CNOT6: variants seen among roughly 807,000 people sequenced by gnomAD.
CNOT6 encodes the protein CCR4-NOT transcription complex subunit 6.
A neutral mutation model predicts 61.2 loss-of-function variants in CNOT6; 12 were observed. The observed-to-expected ratio is 0.20, with a 90% CI of 0.13 to 0.32. CNOT6 has a LOEUF of 0.32. CNOT6 is among the 10% of genes least tolerant of loss of function. The pLI is 1.00. For synonymous variants in CNOT6, 225 were observed against 240.6 expected, an observed-to-expected ratio of 0.94 and a Z score of 0.60; for missense variants, 405 against 663.9, an observed-to-expected ratio of 0.61 and a Z score of 4.28.
At chr5:180,494,965 G>A (rs1345118334) in intron 1 of CNOT6, among the ~76,000 whole-genome samples, 1 of 151,526 alleles carries the variant, frequency 6.6e-6, no homozygotes, top group Non-Finnish European at 1.5e-5. Context: ...CCCCCGGGCC[G>A]AGTCCCTGGG....
intron 1 of CNOT6, among the ~76,000 whole-genome samples, chr5:180,509,829 T>G (rs1398658917): frequency 2.4e-5 from 2 of 83,066 alleles, no homozygotes; most frequent in Admixed American, 2.2e-4. Flanking sequence ...TACCTTGGTG[T>G]TTTTTTTTTT....
At chr5:180,508,111 A>C (rs1757214296) in intron 1 of CNOT6, among the ~76,000 whole-genome samples, 1 of 124,186 alleles carries the variant, frequency 8.1e-6, no homozygotes, top group Non-Finnish European at 1.9e-5. Context: ...TGGGTGTGAG[A>C]CTGTTGGAAT....
chr5:180,514,692 C>G (rs1757553036), intron 1 of CNOT6, among the ~76,000 whole-genome samples: 1 of 152,146 alleles, frequency 6.6e-6, no homozygotes, highest in Non-Finnish European at 1.5e-5. Flanking sequence ...TAAGATCATG[C>G]ATTTCTTATT....
At chr5:180,545,434 TTTTTTCATGAAAATGGACAC>T (rs1759266653) in intron 2 of CNOT6, among the ~76,000 whole-genome samples, 1 of 152,202 alleles carries the variant, frequency 6.6e-6, no homozygotes, top group Non-Finnish European at 1.5e-5. Context: ...CCTTTTTTCT[TTTTTTCATGAAAATGGACAC>T]CTTGCATTTT....
At chr5:180,522,597 A>G (rs1268330341) in intron 1 of CNOT6, among the ~76,000 whole-genome samples, 2 of 151,350 alleles carry the variant, frequency 1.3e-5, no homozygotes, top group East Asian at 1.9e-4. Context: ...CGTGGTTTTG[A>G]TTTGCATTTT....
intron 10 of CNOT6, 96 bp from the exon 11 acceptor site, chr5:180,571,134 G>A (rs1760726883): frequency 3.8e-6 from 3 of 790,930 alleles, no homozygotes; most frequent in Non-Finnish European, 6.1e-6. Flanking sequence ...TTGGAACGTG[G>A]GAATATGTAT....
chr5:180,511,947 C>T (rs1229620678), intron 1 of CNOT6, among the ~76,000 whole-genome samples: 1 of 152,158 alleles, frequency 6.6e-6, no homozygotes, highest in Non-Finnish European at 1.5e-5. Flanking sequence ...CACTGTTTTC[C>T]TTCTTCCCTT....
intron 2 of CNOT6, among the ~76,000 whole-genome samples, chr5:180,541,186 T>C (rs1759012880): frequency 1.3e-5 from 2 of 152,092 alleles, no homozygotes; most frequent in East Asian, 1.9e-4. Flanking sequence ...TTGCCCAGGC[T>C]GGAGTGCAAT....
At chr5:180,568,057 A>C in intron 9 of CNOT6, 54 bp downstream of exon 9, 1 of 1,501,348 alleles carries the variant, frequency 6.7e-7, no homozygotes, top group East Asian at 2.3e-5. Context: ...GACATCTTCA[A>C]AAGAATAGAA....
intron 2 of CNOT6, among the ~76,000 whole-genome samples, chr5:180,549,445 C>T (rs747784961): frequency 7.9e-5 from 12 of 152,108 alleles, no homozygotes; most frequent in South Asian, 2.1e-4. Flanking sequence ...GTCAGGAGAT[C>T]GAGACCATCC....
intron 11 of CNOT6, among the ~76,000 whole-genome samples, chr5:180,571,693 G>C (rs1486953176): frequency 1.3e-5 from 2 of 152,090 alleles, no homozygotes; most frequent in African/African-American, 4.8e-5. Flanking sequence ...GGCCTCCCTA[G>C]TAGCTGGGAC....
intron 1 of CNOT6, among the ~76,000 whole-genome samples, chr5:180,507,502 T>C (rs1465519779): frequency 6.6e-6 from 1 of 152,198 alleles, no homozygotes; most frequent in Admixed American, 6.5e-5. Flanking sequence ...CTCTGGAGGC[T>C]GAGTTAGGAG....
intron 1 of CNOT6, among the ~76,000 whole-genome samples, chr5:180,518,141 G>A (rs1757730381): frequency 6.6e-6 from 1 of 152,086 alleles, no homozygotes; most frequent in African/African-American, 2.4e-5. Flanking sequence ...TCATAGATTT[G>A]TATTGATTCA....
At chr5:180,567,804 T>G in intron 8 of CNOT6, 45 bp from the exon 9 acceptor site, 1 of 1,613,330 alleles carries the variant, frequency 6.2e-7, no homozygotes, top group Non-Finnish European at 8.5e-7. Context: ...AACCTCTTGG[T>G]ATTCCCAACT....
intron 1 of CNOT6, among the ~76,000 whole-genome samples, chr5:180,524,697 A>G (rs1758017013): frequency 6.6e-6 from 1 of 152,210 alleles, no homozygotes; most frequent in Non-Finnish European, 1.5e-5. Context: ...CTGAAGTATG[A>G]TCAAACTGAA....
At position 180,573,062 on chromosome 5, in the gene CNOT6, C is replaced by T. The variant is rs1460341097; in HGVS notation, c.1462-926C>T. The stretch of plus-strand genomic sequence containing the variant: ...TTTATCCTCAGGTGCCCCTTCCTTT[C>T]AGGTTCTTCAGGAGACATTGAAGAG... On this transcript the variant is annotated intron_variant, in intron 11 of 11. Transcript: ENST00000261951. Among the ~76,000 whole-genome samples the T allele has an allele frequency of 2.0e-5, 3 of 152,196 alleles. No homozygotes were observed. In the East Asian group the frequency reaches 5.8e-4, roughly 29 times the overall value.
chr5:180,571,432 G>A lies in CNOT6; in HGVS notation c.1461G>A (p.Lys487=). Reference sequence around the variant, plus strand: ...ACACGAATTACACATTTGATTTCAAGGTGTGTCTTGAGACTGATAAGCTTT... The same window carrying A: ...ACACGAATTACACATTTGATTTCAAAGTGTGTCTTGAGACTGATAAGCTTT... The part of the protein sequence containing the change: ...MPYTNYTFDF[K]GIIDYIFYSK... The change falls in exon 11 of 12, where the codon AAG becomes AAA. Residue 487 remains lysine (K), a splice_region_variant and synonymous_variant. Transcript: ENST00000261951. 6.2e-7 allele frequency: 1 copy of A among 1,610,720 alleles called. No homozygotes were observed. Among genetic ancestry groups the A allele is most frequent in the Non-Finnish European group, 8.5e-7 (1 of 1,176,950 alleles).
chr5:180,572,459 G>T (rs940109432), intron 11 of CNOT6, among the ~76,000 whole-genome samples: 6 of 152,100 alleles, frequency 3.9e-5, no homozygotes, highest in Non-Finnish European at 8.8e-5. Flanking sequence ...CAAAGTGCTG[G>T]GATTACAGGC....
chr5:180,564,459 T>G (rs1760350877), intron 4 of CNOT6, 30 bp from the exon 5 acceptor site: 12 of 1,455,104 alleles, frequency 8.2e-6, no homozygotes, highest in Non-Finnish European at 1.2e-5. Flanking sequence ...TTACTTAGTT[T>G]CATTTTACTT....
Sources: gnomAD v4.1 joint callset for allele counts (sites outside exome capture counted in the v4.1 genomes callset) on GRCh38, gnomAD v4.1.1 for gene constraint, MANE v1.5 for transcripts, NCBI Gene and HGNC (gene_info 2026-07-23, HGNC 2026-07-21) for gene names.